Variants in HMGCLL1 observed in about 807,000 individuals in gnomAD.
The protein encoded by HMGCLL1 is 3-hydroxymethyl-3-methylglutaryl-CoA lyase, cytoplasmic.
Under a neutral mutation model 39.1 loss-of-function variants are expected in HMGCLL1, and 36 were observed. The ratio of observed to expected loss-of-function variants is 0.92; its 90% CI spans 0.71 to 1.22. HMGCLL1 has a LOEUF of 1.22. Ranked by LOEUF, HMGCLL1 falls within the 50% of genes most tolerant of loss-of-function variation. The pLI is 0.00. For synonymous variants in HMGCLL1, 149 were observed against 144.0 expected (o/e 1.03, Z -0.25); for missense variants, 451 against 416.5 (o/e 1.08, Z -0.72).
intron 4 of HMGCLL1, among the ~76,000 whole-genome samples, chr6:55,515,254 A>G (rs1581884288): frequency 2.1e-5 from 1 of 47,094 alleles, no homozygotes; most frequent in Non-Finnish European, 4.6e-5. Context: ...TCCATCTCAG[A>G]AAAAAAAAAA....
the HMGCLL1 span, among the ~76,000 whole-genome samples, chr6:55,651,687 A>G: frequency 6.6e-6 from 1 of 152,030 alleles, no homozygotes; most frequent in Non-Finnish European, 1.5e-5. Context: ...TGTGACCTAG[A>G]CTGTCCTTTA....
intron 5 of HMGCLL1, among the ~76,000 whole-genome samples, chr6:55,506,954 C>T (rs780871503): frequency 6.6e-6 from 1 of 151,656 alleles, no homozygotes; most frequent in African/African-American, 2.4e-5. Context: ...GCTGTCGTAC[C>T]TCAAACTACA....
At chr6:55,530,894 A>C (rs1026563593) in intron 3 of HMGCLL1, among the ~76,000 whole-genome samples, 4 of 152,158 alleles carry the variant, frequency 2.6e-5, no homozygotes, top group Admixed American at 1.3e-4. Context: ...CTTTATGAAC[A>C]TCAGCCAAAA....
At chr6:55,440,016 T>C (rs1460613156) in intron 7 of HMGCLL1, among the ~76,000 whole-genome samples, 1 of 152,166 alleles carries the variant, frequency 6.6e-6, no homozygotes, top group African/African-American at 2.4e-5. Context: ...GAGAAGTCAC[T>C]GGGTTTGAAA....
chr6:55,477,810 T>C (rs75977829), intron 7 of HMGCLL1, among the ~76,000 whole-genome samples: 3,682 of 150,618 alleles, frequency 0.024, 91 homozygotes, highest in Admixed American at 0.036. Context: ...GTAAATTTGG[T>C]TTACTGTTTT....
chr6:55,599,578 C>T, the HMGCLL1 span, among the ~76,000 whole-genome samples: 2 of 152,050 alleles, frequency 1.3e-5, no homozygotes, highest in Non-Finnish European at 2.9e-5. Flanking sequence ...TTTCAAGTGC[C>T]CAGATGAAAT....
chr6:55,585,865 T>G, the HMGCLL1 span, among the ~76,000 whole-genome samples: 1 of 152,100 alleles, frequency 6.6e-6, no homozygotes, highest in African/African-American at 2.4e-5. Context: ...CTTCTTGGCT[T>G]TAAATACCTC....
the HMGCLL1 span, among the ~76,000 whole-genome samples, chr6:55,589,263 C>G: frequency 2.0e-5 from 3 of 152,036 alleles, no homozygotes; most frequent in Non-Finnish European, 2.9e-5. Context: ...CACAAATCAA[C>G]AAACGTAATC....
intron 7 of HMGCLL1, among the ~76,000 whole-genome samples, chr6:55,474,752 G>C (rs968604172): frequency 6.6e-6 from 1 of 151,476 alleles, no homozygotes; most frequent in African/African-American, 2.4e-5. Flanking sequence ...AGGTAAACAG[G>C]CTGTAAGTGT....
intron 7 of HMGCLL1, among the ~76,000 whole-genome samples, chr6:55,445,652 G>T (rs1048706519): frequency 1.5e-5 from 2 of 136,322 alleles, no homozygotes; most frequent in South Asian, 2.3e-4. Context: ...TTTCTGGTGT[G>T]CATGCATGTG....
At chr6:55,653,231 C>G in the HMGCLL1 span, among the ~76,000 whole-genome samples, 1 of 151,180 alleles carries the variant, frequency 6.6e-6, no homozygotes, top group Non-Finnish European at 1.5e-5. Flanking sequence ...TAGCTACTAA[C>G]AAAAAAAAAG....
At chr6:55,435,910 A>G (rs1763352229) in intron 8 of HMGCLL1, 147 bp from the exon 9 acceptor site, 1 of 469,164 alleles carries the variant, frequency 2.1e-6, no homozygotes, top group Non-Finnish European at 3.8e-6. Flanking sequence ...TTTTGGGGCA[A>G]CATTTGTTTC....
chr6:55,620,183 A>AT, the HMGCLL1 span, among the ~76,000 whole-genome samples: 3 of 151,856 alleles, frequency 2.0e-5, no homozygotes, highest in Non-Finnish European at 4.4e-5. Context: ...ATACACTGAT[A>AT]TTTTTTTCTC....
the HMGCLL1 span, among the ~76,000 whole-genome samples, chr6:55,651,401 G>A: frequency 6.6e-6 from 1 of 152,026 alleles, no homozygotes; most frequent in African/African-American, 2.4e-5. Context: ...GACCAGAATG[G>A]GGCCTCACAA....
the HMGCLL1 span, among the ~76,000 whole-genome samples, chr6:55,642,778 C>T: frequency 6.6e-6 from 1 of 151,980 alleles, no homozygotes; most frequent in Non-Finnish European, 1.5e-5. Context: ...TTTTTTCTGA[C>T]CTTTTCCCCC....
intron 7 of HMGCLL1, among the ~76,000 whole-genome samples, chr6:55,475,268 G>A (rs961849306): frequency 6.6e-6 from 1 of 151,552 alleles, no homozygotes; most frequent in Non-Finnish European, 1.5e-5. Context: ...CTCCTTGCCA[G>A]GGTCACAGAA....
the HMGCLL1 span, among the ~76,000 whole-genome samples, chr6:55,666,424 G>A: frequency 6.6e-6 from 1 of 151,622 alleles, no homozygotes; most frequent in East Asian, 1.9e-4. Context: ...GTCAGGGTAG[G>A]CAAAGTCCTT....
the HMGCLL1 span, among the ~76,000 whole-genome samples, chr6:55,660,173 T>C: frequency 1.3e-5 from 2 of 151,804 alleles, no homozygotes; most frequent in African/African-American, 2.4e-5. Flanking sequence ...CCAGACTCTG[T>C]CTATGGTTTC....
the HMGCLL1 span, among the ~76,000 whole-genome samples, chr6:55,644,147 T>C: frequency 6.6e-6 from 1 of 152,138 alleles, no homozygotes; most frequent in African/African-American, 2.4e-5. Context: ...TGCATTTCTC[T>C]GAAGATCAGT....
Sources: gnomAD v4.1 joint callset for allele counts (sites outside exome capture counted in the v4.1 genomes callset) on GRCh38, gnomAD v4.1.1 for gene constraint, MANE v1.5 for transcripts, NCBI Gene and HGNC (gene_info 2026-07-23, HGNC 2026-07-21) for gene names.